Variants in PTPN13 observed in about 807,000 individuals in gnomAD.
PTPN13 encodes tyrosine-protein phosphatase non-receptor type 13.
PTPN13 carries 191 observed loss-of-function variants against 284.0 expected under a neutral mutation model. The observed-to-expected ratio is 0.67, with a 90% CI of 0.60 to 0.76. PTPN13 has a LOEUF of 0.76. PTPN13 is among the 30% of genes least tolerant of loss of function. The pLI, the probability that PTPN13 is intolerant of heterozygous loss-of-function variation, is 0.00. For synonymous variants in PTPN13, 986 were observed against 1,022.3 expected (o/e 0.96, Z 0.68); for missense variants, 2,797 against 2,939.9 (o/e 0.95, Z 1.12).
chr4:86,799,075 G>A, intron 41 of PTPN13, 26 bp from the exon 42 acceptor site: 1 of 1,373,114 alleles, frequency 7.3e-7, no homozygotes, highest in Non-Finnish European at 1.0e-6. Context: ...TGAAGAAAAT[G>A]TTTCAAATAT....
At chr4:86,791,633 C>T (rs1398045436) in intron 40 of PTPN13, among the ~76,000 whole-genome samples, 1 of 152,164 alleles carries the variant, frequency 6.6e-6, no homozygotes, top group South Asian at 2.1e-4. Flanking sequence ...GGCGGGTGCC[C>T]CTCTGGGATG....
In PTPN13 at chr4:86,780,468, C is replaced by A. The variant is rs767673225; in HGVS notation, c.5958C>A (p.Gly1986=). The change falls in exon 36 of 48, where the codon GGC becomes GGA. Residue 1986 remains glycine (G), a synonymous_variant. Coordinates refer to ENST00000411767, the MANE Select transcript of PTPN13 (RefSeq NM_080683.3). ...TTTCAGCTCCAAAGTCAACCAAAGG[C>A]AATGGTAAGGATATATTCATTTTAC... ...SAVSAPKSTK[G]NGSYSVGSCS... The A allele has an allele frequency of 6.3e-7, 1 of 1,595,856 alleles. No homozygotes were observed. The highest frequency in any genetic ancestry group is 8.6e-7 in the Non-Finnish European group (1 of 1,165,124).
In PTPN13 at chr4:86,693,584, C is replaced by A. The variant is rs1481863138; in HGVS notation, c.547-3C>A. The stretch of plus-strand genomic sequence containing the variant: ...AACTTGATTTTTTATTACCTGTGTA[C>A]AGACAGATCAGCTTTCCTGTAACAG... On this transcript the variant is annotated splice_region_variant and splice_polypyrimidine_tract_variant and intron_variant, in intron 5 of 47. Transcript: ENST00000411767. 6.5e-7 allele frequency: 1 copy of A among 1,541,812 alleles called. No individual in the cohort carries two copies.
chr4:86,790,411 C>T (rs139425261), intron 40 of PTPN13, among the ~76,000 whole-genome samples: 6 of 152,066 alleles, frequency 3.9e-5, no homozygotes, highest in Non-Finnish European at 7.4e-5. Flanking sequence ...GTGAACAGAT[C>T]GACATGATTC....
At chr4:86,644,551 A>G (rs1724191433) in intron 2 of PTPN13, among the ~76,000 whole-genome samples, 1 of 152,208 alleles carries the variant, frequency 6.6e-6, no homozygotes, top group African/African-American at 2.4e-5. Context: ...GCACTTCTAT[A>G]CAAACACTAA....
intron 28 of PTPN13, 34 bp from the exon 29 acceptor site, chr4:86,769,735 A>C: frequency 2.2e-6 from 3 of 1,361,532 alleles, no homozygotes; most frequent in East Asian, 5.0e-5. Context: ...GCATGTTAAT[A>C]ATATCTAAAT....
chr4:86,734,986 G>C, intron 14 of PTPN13, 111 bp downstream of exon 14: 1 of 1,263,402 alleles, frequency 7.9e-7, no homozygotes, highest in East Asian at 2.4e-5. Flanking sequence ...GAAGATTTTT[G>C]AGGCTTCTTT....
chr4:86,717,297 T>C (rs1381471848), intron 9 of PTPN13, among the ~76,000 whole-genome samples, 180 bp downstream of exon 9: 1 of 151,810 alleles, frequency 6.6e-6, no homozygotes, highest in Non-Finnish European at 1.5e-5. Context: ...CACGCAATTC[T>C]TTTGCCTCAG....
At chr4:86,684,100 T>TAAAAA (rs3971792) in intron 3 of PTPN13, among the ~76,000 whole-genome samples, 36 of 138,062 alleles carry the variant, frequency 2.6e-4, no homozygotes, top group Non-Finnish European at 3.5e-4. Flanking sequence ...TAAGATATGT[T>TAAAAA]AAAAAAAAAA....
chr4:86,739,684 CAA>C (rs1255385523), intron 15 of PTPN13, among the ~76,000 whole-genome samples: 2 of 152,160 alleles, frequency 1.3e-5, no homozygotes, highest in Non-Finnish European at 2.9e-5. Flanking sequence ...AACAGTTCTC[CAA>C]AGTCTTAATT....
At chr4:86,785,181 C>A in intron 38 of PTPN13, 50 bp from the exon 39 acceptor site, 1 of 1,356,282 alleles carries the variant, frequency 7.4e-7, no homozygotes, top group Non-Finnish European at 1.0e-6. Flanking sequence ...GTCCCTTTCT[C>A]GTGTCAATAT....
intron 19 of PTPN13, 57 bp from the exon 20 acceptor site, chr4:86,752,952 T>A (rs1262122744): frequency 9.5e-6 from 12 of 1,269,230 alleles, no homozygotes; most frequent in Non-Finnish European, 1.3e-5. Flanking sequence ...AGAAATCACT[T>A]CGATATCTAG....
intron 3 of PTPN13, among the ~76,000 whole-genome samples, chr4:86,673,898 G>A (rs1656101347): frequency 6.6e-6 from 1 of 152,102 alleles, no homozygotes; most frequent in Admixed American, 6.5e-5. Context: ...GTAGAGATGG[G>A]GTTTCACCAT....
intron 9 of PTPN13, among the ~76,000 whole-genome samples, chr4:86,717,341 A>C (rs1296380518): frequency 3.3e-5 from 5 of 151,998 alleles, no homozygotes; most frequent in East Asian, 3.9e-4. Flanking sequence ...GGTATGCACC[A>C]ATGTGCCTGG....
chr4:86,649,133 G>T (rs2148797117), intron 2 of PTPN13, among the ~76,000 whole-genome samples: 1 of 152,160 alleles, frequency 6.6e-6, no homozygotes, highest in East Asian at 1.9e-4. Context: ...TAATCCATCA[G>T]ATGGATAGTT....
At chr4:86,777,137 A>G (rs914231863) in intron 35 of PTPN13, among the ~76,000 whole-genome samples, 6 of 152,172 alleles carry the variant, frequency 3.9e-5, no homozygotes, top group Non-Finnish European at 7.4e-5. Flanking sequence ...AAAAATTACT[A>G]TAAGTTTAGT....
intron 47 of PTPN13, among the ~76,000 whole-genome samples, chr4:86,814,000 CTTTTTTTTTTTTTTT>C (rs535405150): frequency 7.0e-5 from 7 of 100,044 alleles, no homozygotes; most frequent in Non-Finnish European, 1.2e-4. Context: ...TACCCTGCTT[CTTTTTTTTTTTTTTT>C]TTTTTTTTTT....
intron 1 of PTPN13, among the ~76,000 whole-genome samples, chr4:86,600,923 A>G (rs949273560): frequency 6.6e-6 from 1 of 152,108 alleles, no homozygotes; most frequent in African/African-American, 2.4e-5. Flanking sequence ...TTTTAATGAT[A>G]AATTCCCTTG....
intron 33 of PTPN13, 85 bp from the exon 34 acceptor site, chr4:86,775,086 A>G: frequency 1.1e-6 from 1 of 923,890 alleles, no homozygotes; most frequent in Non-Finnish European, 1.6e-6. Flanking sequence ...ATTATAAATT[A>G]GGAGGATTAT....
Sources: allele counts gnomAD v4.1 joint callset (sites outside exome capture counted in the v4.1 genomes callset), GRCh38; gene constraint gnomAD v4.1.1; transcripts MANE v1.5; gene names NCBI Gene and HGNC (gene_info 2026-07-23, HGNC 2026-07-21).